ERC2: variants seen among roughly 807,000 people sequenced by gnomAD.
ERC2 encodes ELKS/RAB6-interacting/CAST family member 2.
A neutral mutation model predicts 114.8 loss-of-function variants in ERC2; 42 were observed. The observed-to-expected ratio is 0.37, with a 90% CI of 0.29 to 0.47. The LOEUF (loss-of-function observed/expected upper bound fraction) is 0.47, where lower values mean the gene tolerates loss of function less well. Among genes scored for constraint, ERC2 ranks in the 20% least tolerant of loss-of-function variants. The pLI, the probability that ERC2 is intolerant of heterozygous loss-of-function variation, is 0.99. For synonymous variants in ERC2, 454 were observed against 425.5 expected (o/e 1.07, Z -0.82); for missense variants, 939 against 1,150.7 (o/e 0.82, Z 2.66).
intron 4 of ERC2, among the ~76,000 whole-genome samples, chr3:56,163,688 C>T (rs1052277615): frequency 3.3e-5 from 5 of 151,930 alleles, no homozygotes; most frequent in African/African-American, 1.2e-4. Flanking sequence ...ACCCCTGCTC[C>T]TTTTTTGTTT....
chr3:55,995,340 A>C (rs2149532282), intron 10 of ERC2, among the ~76,000 whole-genome samples: 1 of 152,102 alleles, frequency 6.6e-6, no homozygotes, highest in African/African-American at 2.4e-5. Context: ...TCAATCAATC[A>C]ATCAATCAAT....
chr3:56,420,558 T>C (rs1021174595), intron 2 of ERC2, among the ~76,000 whole-genome samples: 11 of 152,048 alleles, frequency 7.2e-5, no homozygotes, highest in African/African-American at 2.7e-4. Context: ...CATTTTCCCA[T>C]CCACTTTGGA....
chr3:56,278,843 G>A (rs190180718), intron 3 of ERC2, among the ~76,000 whole-genome samples: 2 of 152,256 alleles, frequency 1.3e-5, no homozygotes, highest in Admixed American at 1.3e-4. Flanking sequence ...GGAACTAATA[G>A]AGTGAGAACT....
chr3:56,330,673 T>A (rs1243930826), intron 2 of ERC2, among the ~76,000 whole-genome samples: 1 of 152,158 alleles, frequency 6.6e-6, no homozygotes, highest in African/African-American at 2.4e-5. Flanking sequence ...AGTGCTGACA[T>A]GACTCGCAAC....
chr3:55,644,907 G>A (rs936465592), intron 17 of ERC2, among the ~76,000 whole-genome samples: 1 of 152,050 alleles, frequency 6.6e-6, no homozygotes, highest in East Asian at 1.9e-4. Flanking sequence ...TAGACAGAGA[G>A]ATGGTGAGAG....
chr3:56,452,614 G>T (rs57352922), intron 1 of ERC2, among the ~76,000 whole-genome samples: 1 of 151,904 alleles, frequency 6.6e-6, no homozygotes, highest in Admixed American at 6.6e-5. Context: ...CAACCCTGGG[G>T]TTCTACGAGA....
chr3:56,425,028 A>T (rs1218221403), intron 2 of ERC2, among the ~76,000 whole-genome samples: 1 of 152,140 alleles, frequency 6.6e-6, no homozygotes, highest in Non-Finnish European at 1.5e-5. Flanking sequence ...ACATTTGGAG[A>T]GCAGAGGTGA....
chr3:55,986,041 A>C, intron 11 of ERC2, 53 bp from the exon 12 acceptor site: 1 of 1,500,416 alleles, frequency 6.7e-7, no homozygotes, highest in Non-Finnish European at 9.0e-7. Flanking sequence ...AGAAAGGAAA[A>C]GGGATAGCAA....
intron 2 of ERC2, among the ~76,000 whole-genome samples, chr3:56,328,671 A>G (rs192871037): frequency 6.6e-6 from 1 of 152,282 alleles, no homozygotes; most frequent in Admixed American, 6.5e-5. Context: ...AATCCTAACT[A>G]CTTTGAGAGG....
chr3:55,590,006 A>G (rs1275171912), intron 17 of ERC2, among the ~76,000 whole-genome samples: 1 of 152,212 alleles, frequency 6.6e-6, no homozygotes, highest in Non-Finnish European at 1.5e-5. Flanking sequence ...TTCTCAAAAA[A>G]AACCTTTTAA....
intron 17 of ERC2, among the ~76,000 whole-genome samples, chr3:55,541,033 G>T (rs1258641950): frequency 2.0e-5 from 3 of 152,156 alleles, no homozygotes. Flanking sequence ...TTCTTTGGAA[G>T]GGAATTTCAG....
At chr3:56,289,403 T>G (rs1445506448) in intron 3 of ERC2, among the ~76,000 whole-genome samples, 1 of 152,118 alleles carries the variant, frequency 6.6e-6, no homozygotes, top group Admixed American at 6.6e-5. Context: ...TCCCATCCAA[T>G]CCACTGTCAA....
chr3:56,439,799 C>T (rs968509884), intron 1 of ERC2, among the ~76,000 whole-genome samples: 2 of 151,430 alleles, frequency 1.3e-5, no homozygotes, highest in African/African-American at 4.9e-5. Context: ...AATCACATTT[C>T]CTAATGAATG....
At chr3:55,984,297 A>T (rs2070402017) in intron 12 of ERC2, among the ~76,000 whole-genome samples, 1 of 152,102 alleles carries the variant, frequency 6.6e-6, no homozygotes, top group African/African-American at 2.4e-5. Flanking sequence ...ATAGGAAAAA[A>T]AAAACAAAAA....
rs550602409 is a variant in ERC2, at chr3:56,222,288, A to T, written c.1075-48768T>A. Among the ~76,000 whole-genome samples, 3 of 152,336 alleles carry T rather than the reference A, an allele frequency of 2.0e-5. No individual in the cohort carries two copies. The Middle Eastern group carries it at 0.01, about 518-fold the overall frequency. ...TCTGTTTGTGAGAAATGTCCACAACATACAGCTTGAACCCAGGTTCTCTAA... is the reference window on the plus strand; with the variant it reads ...TCTGTTTGTGAGAAATGTCCACAACTTACAGCTTGAACCCAGGTTCTCTAA... On this transcript the variant is annotated intron_variant, in intron 3 of 17. Coordinates refer to ENST00000288221, the MANE Select transcript of ERC2 (RefSeq NM_015576.3).
chr3:56,226,853 C>T (rs1348925767), intron 3 of ERC2, among the ~76,000 whole-genome samples: 1 of 152,074 alleles, frequency 6.6e-6, no homozygotes, highest in Non-Finnish European at 1.5e-5. Context: ...TATTTTTTAC[C>T]CTTCTTCTCC....
chr3:55,685,614 AC>A (rs1298252113), intron 16 of ERC2, among the ~76,000 whole-genome samples: 2 of 151,984 alleles, frequency 1.3e-5, no homozygotes, highest in African/African-American at 4.8e-5. Flanking sequence ...GGGCCTAGCA[AC>A]CCCTTGAAAT....
chr3:56,450,608 C>T (rs1004375549), intron 1 of ERC2, among the ~76,000 whole-genome samples: 3 of 152,156 alleles, frequency 2.0e-5, no homozygotes, highest in Non-Finnish European at 4.4e-5. Flanking sequence ...GGGAGGATCA[C>T]TTCAGGCCAG....
At chr3:56,248,420 A>G (rs1257223879) in intron 3 of ERC2, among the ~76,000 whole-genome samples, 1 of 152,178 alleles carries the variant, frequency 6.6e-6, no homozygotes, top group African/African-American at 2.4e-5. Context: ...TCTTTTAAAA[A>G]TGGGATTTAG....
Sources: gnomAD v4.1 joint callset for allele counts (sites outside exome capture counted in the v4.1 genomes callset) on GRCh38, gnomAD v4.1.1 for gene constraint, MANE v1.5 for transcripts, NCBI Gene and HGNC (gene_info 2026-07-23, HGNC 2026-07-21) for gene names.